Variants in CHD4 observed in about 807,000 individuals in gnomAD.
CHD4 encodes the protein ATP-dependent chromatin remodeler CHD4.
A neutral mutation model predicts 235.5 loss-of-function variants in CHD4; 35 were observed. The ratio of observed to expected loss-of-function variants is 0.15; its 90% CI spans 0.11 to 0.20. The LOEUF is 0.20. Ranked by LOEUF, CHD4 falls within the 10% of genes least tolerant of loss-of-function variation. The pLI, the probability that CHD4 is intolerant of heterozygous loss-of-function variation, is 1.00. For synonymous variants in CHD4, 900 were observed against 850.2 expected (o/e 1.06, Z -1.02); for missense variants, 1,329 against 2,432.3 (o/e 0.55, Z 9.54).
intron 35 of CHD4, 74 bp from the exon 36 acceptor site, chr12:6,578,211 C>CT: frequency 7.0e-7 from 1 of 1,433,800 alleles, no homozygotes; most frequent in Non-Finnish European, 9.7e-7. Context: ...GCTACTTATT[C>CT]TTGTCCCCCA....
intron 38 of CHD4, 105 bp from the exon 39 acceptor site, chr12:6,571,137 G>T: frequency 8.2e-6 from 11 of 1,336,582 alleles, no homozygotes; most frequent in Non-Finnish European, 1.1e-5. Flanking sequence ...AAGTAACTGT[G>T]ATGTATTGTC....
chr12:6,571,687 G>A lies in CHD4; in HGVS notation c.5558-655C>T, dbSNP rs527263348. ...CTAAAAATACAAAATTAGCTGGGGC[G>A]CAGTGGCTCATGCCTATAATCCCAG... On this transcript the variant is annotated intron_variant, in intron 38 of 39. Coordinates refer to ENST00000544040, the MANE Select transcript of CHD4 (RefSeq NM_001273.5). The A allele has an allele frequency of 8.3e-4, 126 of 152,234 alleles. 1 individual carries two copies. Among genetic ancestry groups the A allele is most frequent in the Admixed American group, 2.1e-3 (32 of 15,280 alleles). The allele number at this position is 152,234 out of a possible 1,614,324, so 9.4% of individuals were successfully genotyped here. A position where few individuals can be genotyped will look rare whatever the true frequency, so the allele number is the denominator to read the frequency against.
intron 1 of CHD4, 199 bp from the exon 2 acceptor site, chr12:6,606,650 G>C (rs1023384592): frequency 1.7e-5 from 6 of 351,376 alleles, no homozygotes; most frequent in Non-Finnish European, 3.1e-5. Flanking sequence ...CGGAGCGAGG[G>C]AGCGACGCCT....
At chr12:6,595,291 T>C (rs773397682) in intron 14 of CHD4, 43 bp downstream of exon 14, 62 of 1,503,466 alleles carry the variant, frequency 4.1e-5, no homozygotes, top group African/African-American at 1.2e-4. Flanking sequence ...CAAAGATACA[T>C]TGTCCTACCC....
At chr12:6,602,796 A>C (rs2136226673) in intron 2 of CHD4, 2 of 272,166 alleles carry the variant, frequency 7.3e-6, no homozygotes, top group South Asian at 1.4e-4. Context: ...AGTACAGCTG[A>C]ACTGAGCTGC....
intron 25 of CHD4, among the ~76,000 whole-genome samples, chr12:6,586,380 G>GA (rs893972537): frequency 2.0e-5 from 3 of 152,072 alleles, no homozygotes; most frequent in East Asian, 3.9e-4. Context: ...CAGCCTGGGG[G>GA]AGAGAGTGAG....
intron 14 of CHD4, 143 bp downstream of exon 14, chr12:6,595,191 G>A (rs935370247): frequency 8.0e-6 from 5 of 626,916 alleles, no homozygotes; most frequent in East Asian, 2.9e-5. Flanking sequence ...GAGATGTGGA[G>A]AAGTGGGGAA....
At position 6,588,431 on chromosome 12, in the gene CHD4, AG is replaced by A; in HGVS notation, c.3341-10del. 6.2e-7 allele frequency: 1 copy of A among 1,612,448 alleles called. No homozygotes were observed. Among genetic ancestry groups the A allele is most frequent in the South Asian group, 1.1e-5 (1 of 90,948 alleles). Reference sequence around the variant, plus strand: ...CTGCTGAGCACCCGGTGCTAATAAAAGAACCAAAAACACCATTAGAAGTGTC... The same window carrying A: ...CTGCTGAGCACCCGGTGCTAATAAAAAACCAAAAACACCATTAGAAGTGTC... On this transcript the variant is annotated splice_polypyrimidine_tract_variant and intron_variant, in intron 22 of 39. Transcript: ENST00000544040.
At chr12:6,605,789 C>G (rs1565621721) in intron 2 of CHD4, among the ~76,000 whole-genome samples, 1 of 152,156 alleles carries the variant, frequency 6.6e-6, no homozygotes, top group Non-Finnish European at 1.5e-5. Flanking sequence ...CACAGAAAAC[C>G]GGTAACCGAT....
At chr12:6,582,311 T>C (rs765765038) in intron 29 of CHD4, 30 bp from the exon 30 acceptor site, 8 of 1,533,020 alleles carry the variant, frequency 5.2e-6, no homozygotes, top group East Asian at 4.6e-5. Context: ...AAGAGTTAAA[T>C]AGGGATCATG....
Position 6,588,449 on chromosome 12 carries a change from AG to A in CHD4, c.3341-28del, listed in dbSNP as rs753025193. ...TAATAAAAGAACCAAAAACACCATT[AG>A]AAGTGTCTCCTAAATTCCAATTCAT... is the stretch of plus-strand genomic sequence containing the variant. On this transcript the variant is annotated intron_variant, in intron 22 of 39. Transcript: ENST00000544040. 136 of 1,608,568 alleles carry A rather than the reference AG, an allele frequency of 8.5e-5. 2 individuals are homozygous for A. The highest frequency in any genetic ancestry group is 1.3e-4 in the African/African-American group (10 of 74,512).
At position 6,591,453 on chromosome 12, in the gene CHD4, CCTT is replaced by C. The variant is rs749844243; in HGVS notation, c.3340+10_3340+12del. 6 of 1,604,030 alleles carry C rather than the reference CCTT, an allele frequency of 3.7e-6. No individual in the cohort carries two copies. The highest frequency in any genetic ancestry group is 4.5e-5 in the East Asian group (2 of 44,856). ...TGAGGATTCCTGAAACTAAACAACTCCTTCTCTCTCACCATTGAAGCGGTCAAT... is the reference window on the plus strand; with the variant it reads ...TGAGGATTCCTGAAACTAAACAACTCCTCTCTCACCATTGAAGCGGTCAAT... On this transcript the variant is annotated intron_variant, in intron 22 of 39. Coordinates refer to ENST00000544040, the MANE Select transcript of CHD4 (RefSeq NM_001273.5).
intron 29 of CHD4, 140 bp from the exon 30 acceptor site, chr12:6,582,421 G>T (rs2136202821): frequency 7.6e-7 from 1 of 1,309,762 alleles, no homozygotes; most frequent in Non-Finnish European, 1.0e-6. Context: ...CGGGAAGGCT[G>T]ATCTCTAGAC....
intron 12 of CHD4, among the ~76,000 whole-genome samples, chr12:6,596,754 T>C (rs901169245): frequency 6.6e-6 from 1 of 150,606 alleles, no homozygotes; most frequent in Non-Finnish European, 1.5e-5. Flanking sequence ...AAGCTGAGAT[T>C]GCGCCACTGC....
chr12:6,587,584 C>A lies in CHD4; in HGVS notation c.3704-25G>T, dbSNP rs370820351. 4 of 1,612,026 alleles carry A rather than the reference C, an allele frequency of 2.5e-6. No homozygotes were observed. The African/African-American group carries it at 5.3e-5, about 22-fold the overall frequency. On this transcript the variant is annotated intron_variant, in intron 24 of 39. Transcript: ENST00000544040. ...CCTATAAAAAATCAAGGGCCCACAT[C>A]CCCAAAGTCAGTTTCAGCAGCTGCA...
chr12:6,582,113 A>C (rs926075373), intron 30 of CHD4, 24 bp downstream of exon 30: 4 of 1,528,232 alleles, frequency 2.6e-6, no homozygotes, highest in Non-Finnish European at 2.6e-6. Flanking sequence ...CCCTAGAAAC[A>C]ATGGCAAGAG....
rs1278852168 is a variant in CHD4 at position 6,598,032 on chromosome 12, G to A, written c.1754C>T (p.Ser585Phe). 3.1e-6 allele frequency: 5 copies of A among 1,614,034 alleles called. No homozygotes were observed. The highest frequency in any genetic ancestry group is 1.3e-5 in the African/African-American group (1 of 74,914). Residue 585 changes from serine to phenylalanine, a missense_variant, in exon 12 of 40, where the codon TCT becomes TTT. This residue lies in a region of CHD4 where 121 missense variants were observed against 177.8 expected (regional missense o/e 0.68). Coordinates refer to ENST00000544040, the MANE Select transcript of CHD4 (RefSeq NM_001273.5). ...CTCTTCATCACCACCAAAGTCCCCA[G>A]AAGGTGGCTCATCCATATCATTCTT... is the stretch of plus-strand genomic sequence containing the variant. Reference protein sequence around the residue: ...QRKNDMDEPPSGDFGGDEEKS... With the variant: ...QRKNDMDEPPFGDFGGDEEKS...
At chr12:6,595,225 G>T in intron 14 of CHD4, 109 bp downstream of exon 14, 1 of 911,128 alleles carries the variant, frequency 1.1e-6, no homozygotes. Flanking sequence ...AGTAATCTCA[G>T]CTACAAAGTT....
rs1948203563 is a variant in CHD4, at chr12:6,582,038, A to C, written c.4515+99T>G. On this transcript the variant is annotated intron_variant, in intron 30 of 39. Transcript: ENST00000544040. ...GGCTAGTCTCTAACTCCTGACCTCA[A>C]GTGATCCACCCGCCTCAGCCTCCCA... The C allele has an allele frequency of 6.7e-6, 9 of 1,334,604 alleles. No homozygotes were observed. In the South Asian group the frequency reaches 1.5e-4, roughly 22 times the overall value. 82.7% of individuals were successfully genotyped at this position (1,334,604 alleles called of 1,614,324 possible). A position where few individuals can be genotyped will look rare whatever the true frequency, so the allele number is the denominator to read the frequency against.
Sources: allele counts gnomAD v4.1 joint callset (sites outside exome capture counted in the v4.1 genomes callset), GRCh38; gene constraint gnomAD v4.1.1; regional missense constraint gnomAD v4.1.1; transcripts MANE v1.5; gene names NCBI Gene and HGNC (gene_info 2026-07-23, HGNC 2026-07-21).